The following PPM1A variants were observed in gnomAD, a reference collection of about 807,000 sequenced individuals.
The protein encoded by PPM1A is protein phosphatase 1A.
In PPM1A, 7 loss-of-function variants were observed where a neutral mutation model predicts 35.0. The observed-to-expected ratio is 0.20, with a 90% CI of 0.11 to 0.38. The LOEUF (loss-of-function observed/expected upper bound fraction) is 0.38, where lower values mean the gene tolerates loss of function less well. PPM1A is among the 10% of genes least tolerant of loss of function. The pLI is 1.00. For synonymous variants in PPM1A, 153 were observed against 167.3 expected (o/e 0.91, Z 0.66); for missense variants, 239 against 467.8 (o/e 0.51, Z 4.51).
chr14:60,285,489 T>G, intron 2 of PPM1A, 135 bp from the exon 3 acceptor site: 2 of 822,044 alleles, frequency 2.4e-6, no homozygotes, highest in Non-Finnish European at 3.8e-6. Flanking sequence ...TGCGTGCACA[T>G]ATGTATTTTT....
rs1471381262 is a variant in PPM1A at position 60,282,108 on chromosome 14, G to A, written c.-20-576G>A. 6.6e-6 allele frequency among the ~76,000 whole-genome samples: 1 copy of A among 152,166 alleles called. No homozygotes were observed. Among genetic ancestry groups the A allele is most frequent in the African/African-American group, 2.4e-5 (1 of 41,432 alleles). On this transcript the variant is annotated intron_variant, in intron 1 of 5. Transcript: ENST00000395076. The surrounding 1 kb of genome is among the most constrained non-coding windows in gnomAD (Gnocchi z 5.1). ...TACTTTTTTCTATAAATAGGATGAGGCAAGAGTTTCCAGTTAAGGAAACTG... is the reference window on the plus strand; with the variant it reads ...TACTTTTTTCTATAAATAGGATGAGACAAGAGTTTCCAGTTAAGGAAACTG...
Position 60,296,865 on chromosome 14 carries a change from C to A in PPM1A, c.*4383C>A. 1 of 305,388 alleles carries A rather than the reference C, an allele frequency of 3.3e-6. No homozygotes were observed. Among genetic ancestry groups the A allele is most frequent in the South Asian group, 1.6e-4 (1 of 6,234 alleles). 18.9% of individuals were successfully genotyped at this position (305,388 alleles called of 1,614,324 possible). On this transcript the variant is annotated 3_prime_UTR_variant, in exon 6 of 6. Coordinates refer to ENST00000395076, the MANE Select transcript of PPM1A (RefSeq NM_021003.5). The surrounding 1 kb of genome is among the most constrained non-coding windows in gnomAD (Gnocchi z 4.4). ...CAAATGAACGTTTTCTAATTTTGTTCACAGATTCTTTCCCTTTCGATTGTT... is the reference window on the plus strand; with the variant it reads ...CAAATGAACGTTTTCTAATTTTGTTAACAGATTCTTTCCCTTTCGATTGTT...
At chr14:60,250,771 T>C (rs562398476) in intron 1 of PPM1A, among the ~76,000 whole-genome samples, 2 of 152,342 alleles carry the variant, frequency 1.3e-5, no homozygotes, top group African/African-American at 4.8e-5. Flanking sequence ...ACACAACCAC[T>C]TTACATGTGT....
chr14:60,282,595 C>CAT lies in PPM1A; in HGVS notation c.-20-86_-20-85dup, dbSNP rs746965446. The CAT allele has an allele frequency of 6.8e-7, 1 of 1,468,232 alleles. No individual in the cohort carries two copies. Among genetic ancestry groups the CAT allele is most frequent in the East Asian group, 2.3e-5 (1 of 43,656 alleles). The allele number at this position is 1,468,232 out of a possible 1,614,324, so 91.0% of individuals were successfully genotyped here. The stretch of plus-strand genomic sequence containing the variant: ...GCTTATCGCGAGTTGTGAATTCCCG[C>CAT]ATATCTCTTTCACTTATTAAAAAGA... On this transcript the variant is annotated intron_variant, in intron 1 of 5. Transcript: ENST00000395076. The surrounding 1 kb of genome is among the most constrained non-coding windows in gnomAD (Gnocchi z 5.1).
chr14:60,286,059 T>A lies in PPM1A; in HGVS notation c.952+318T>A, dbSNP rs538013280. 1.4e-3 allele frequency: 1,440 copies of A among 1,012,910 alleles called. 2 individuals carry two copies. The highest frequency in any genetic ancestry group is 1.8e-3 in the Admixed American group (32 of 17,366). The allele number at this position is 1,012,910 out of a possible 1,614,324, so 62.7% of individuals were successfully genotyped here. ...CATGAGTAATTTTATGCCGGGAAAA[T>A]CTGATTTGTGGTCTATTTAATTACA... On this transcript the variant is annotated intron_variant, in intron 3 of 5. Transcript: ENST00000395076.
chr14:60,285,544 A>T, intron 2 of PPM1A, 80 bp from the exon 3 acceptor site: 2 of 1,396,368 alleles, frequency 1.4e-6, no homozygotes, highest in Admixed American at 2.0e-5. Flanking sequence ...TATAACTGTA[A>T]TTGGCACAGC....
At chr14:60,259,525 A>T (rs1330462019) in intron 1 of PPM1A, among the ~76,000 whole-genome samples, 1 of 152,046 alleles carries the variant, frequency 6.6e-6, no homozygotes, top group Admixed American at 6.6e-5. Context: ...GGCGATTTAT[A>T]AGTAGCAAAC....
rs189422688 is a variant in PPM1A, at chr14:60,282,308, A to T, written c.-20-376A>T. ...AGTTAGTAGATTTTTTGGGTATGTC[A>T]TGAATTCGTTTGGCTTTTCTTAATT... On this transcript the variant is annotated intron_variant, in intron 1 of 5. Transcript: ENST00000395076. This position sits in a 1 kb window ranked among gnomAD's most constrained non-coding sequence, Gnocchi z 5.1. Among the ~76,000 whole-genome samples the T allele has an allele frequency of 1.3e-3, 200 of 152,332 alleles. 1 individual carries two copies. The highest frequency in any genetic ancestry group is 4.7e-3 in the African/African-American group (195 of 41,568).
At chr14:60,257,987 T>C (rs73315762) in intron 1 of PPM1A, among the ~76,000 whole-genome samples, 1,940 of 152,300 alleles carry the variant, frequency 0.013, 46 homozygotes, top group African/African-American at 0.044. Context: ...AAGACTGTTT[T>C]GGTTGCCAAG....
intron 1 of PPM1A, among the ~76,000 whole-genome samples, chr14:60,259,600 C>G (rs1053297092): frequency 1.3e-4 from 19 of 151,906 alleles, no homozygotes; most frequent in African/African-American, 4.4e-4. Flanking sequence ...ATAGATCTGT[C>G]TATAGATAAC....
intron 1 of PPM1A, among the ~76,000 whole-genome samples, chr14:60,253,912 C>A (rs1415438556): frequency 6.6e-6 from 1 of 152,064 alleles, no homozygotes; most frequent in Admixed American, 6.6e-5. Flanking sequence ...AGTCCCTGTT[C>A]TCCTATTTCG....
In PPM1A at chr14:60,273,685, C is replaced by G. The variant is rs563855275; in HGVS notation, c.-20-8999C>G. Among the ~76,000 whole-genome samples the G allele has an allele frequency of 1.3e-5, 2 of 152,232 alleles. No individual in the cohort carries two copies. The highest frequency in any genetic ancestry group is 4.2e-4 in the South Asian group (2 of 4,818). On this transcript the variant is annotated intron_variant, in intron 1 of 5. Transcript: ENST00000395076. This position sits in a 1 kb window ranked among gnomAD's most constrained non-coding sequence, Gnocchi z 4.3. ...TGAAGAGACTAAAGACGCTAGTATT[C>G]TGCAGTGAGAATGATGGTAACTTGA...
chr14:60,291,514 TCCTA>T, intron 5 of PPM1A, 60 bp downstream of exon 5: 2 of 1,369,518 alleles, frequency 1.5e-6, no homozygotes, highest in Non-Finnish European at 2.0e-6. Context: ...TGCATATCCT[TCCTA>T]CCTGTTTTTG....
rs1200701895 is a variant in PPM1A, at chr14:60,249,913, G to T, written c.-21+236G>T. 1.3e-5 allele frequency among the ~76,000 whole-genome samples: 2 copies of T among 151,280 alleles called. No homozygotes were observed. The highest frequency in any genetic ancestry group is 1.5e-5 in the Non-Finnish European group (1 of 67,590). On this transcript the variant is annotated intron_variant, in intron 1 of 5. Coordinates refer to ENST00000395076, the MANE Select transcript of PPM1A (RefSeq NM_021003.5). This position sits in a 1 kb window ranked among gnomAD's most constrained non-coding sequence, Gnocchi z 4.5. ...GGGAGGCGGGGGCGGGGTGTTAGTT[G>T]CGGTGGCGCGGGGAGGGGGCGCGAC...
chr14:60,249,703 C>T lies in PPM1A; in HGVS notation c.-21+26C>T, dbSNP rs1416319620. ...GTAAGTGCGGCGCTCGGGCCGACGG[C>T]GGGCTGGCGGGCGGTGCGGGCCTGC... On this transcript the variant is annotated intron_variant, in intron 1 of 5. Transcript: ENST00000395076. The surrounding 1 kb of genome is among the most constrained non-coding windows in gnomAD (Gnocchi z 4.5). 3 of 983,024 alleles carry T rather than the reference C, an allele frequency of 3.1e-6. No individual in the cohort carries two copies. Among genetic ancestry groups the T allele is most frequent in the Non-Finnish European group, 3.6e-6 (3 of 828,910 alleles). The allele number at this position is 983,024 out of a possible 1,614,324, so 60.9% of individuals were successfully genotyped here.
Position 60,296,357 on chromosome 14 carries a change from G to A in PPM1A, c.*3875G>A, listed in dbSNP as rs757235649. 10 of 169,362 alleles carry A rather than the reference G, an allele frequency of 5.9e-5. No homozygotes were observed. Among genetic ancestry groups the A allele is most frequent in the Non-Finnish European group, 1.0e-4 (8 of 79,986 alleles). 10.5% of individuals were successfully genotyped at this position (169,362 alleles called of 1,614,324 possible). A position where few individuals can be genotyped will look rare whatever the true frequency, so the allele number is the denominator to read the frequency against. The stretch of plus-strand genomic sequence containing the variant: ...TTTTGTTTTAATTTTGAATTTCATG[G>A]TATATACTTTTAGTTCAAACTCAGC... On this transcript the variant is annotated 3_prime_UTR_variant, in exon 6 of 6. Coordinates refer to ENST00000395076, the MANE Select transcript of PPM1A (RefSeq NM_021003.5). This position sits in a 1 kb window ranked among gnomAD's most constrained non-coding sequence, Gnocchi z 4.4.
chr14:60,283,816 G>A lies in PPM1A; in HGVS notation c.834+279G>A, dbSNP rs968427333. On this transcript the variant is annotated intron_variant, in intron 2 of 5. Transcript: ENST00000395076. This position sits in a 1 kb window ranked among gnomAD's most constrained non-coding sequence, Gnocchi z 6.3. The stretch of plus-strand genomic sequence containing the variant: ...AAAGGTAAAAAGATTTTATCAGAGT[G>A]CATGTTTTGAAAGAAAGAGGGTGGG... Among the ~76,000 whole-genome samples the A allele has an allele frequency of 2.6e-5, 4 of 152,188 alleles. No individual in the cohort carries two copies. Among genetic ancestry groups the A allele is most frequent in the African/African-American group, 9.7e-5 (4 of 41,438 alleles).
intron 3 of PPM1A, chr14:60,288,182 A>T: frequency 1.0e-6 from 1 of 984,978 alleles, no homozygotes; most frequent in Non-Finnish European, 1.2e-6. Context: ...AAAGCTTTAC[A>T]TTATTTTTTT....
At chr14:60,272,290 A>T (rs933194324) in intron 1 of PPM1A, among the ~76,000 whole-genome samples, 1 of 151,110 alleles carries the variant, frequency 6.6e-6, no homozygotes, top group Non-Finnish European at 1.5e-5. Flanking sequence ...ATGAGTAGAT[A>T]CTTGCTTGGC....
Sources: allele counts gnomAD v4.1 joint callset (sites outside exome capture counted in the v4.1 genomes callset), GRCh38; gene constraint gnomAD v4.1.1; non-coding constraint Gnocchi (gnomAD v3.1); transcripts MANE v1.5; gene names NCBI Gene and HGNC (gene_info 2026-07-23, HGNC 2026-07-21).